Variants in MYCBP2 observed in about 807,000 individuals in gnomAD.
The protein encoded by MYCBP2 is MYC binding protein 2, also known as E3 ubiquitin-protein ligase MYCBP2.
A neutral mutation model predicts 525.3 loss-of-function variants in MYCBP2; 120 were observed. The ratio of observed to expected loss-of-function variants is 0.23; its 90% CI spans 0.20 to 0.27. The LOEUF is 0.27. Among genes scored for constraint, MYCBP2 ranks in the 10% least tolerant of loss-of-function variants. The pLI, the probability that MYCBP2 is intolerant of heterozygous loss-of-function variation, is 1.00. For missense variants in MYCBP2, 4,149 were observed against 5,657.1 expected (o/e 0.73, Z 8.55); for synonymous variants, 1,894 against 1,955.8 (o/e 0.97, Z 0.83).
At chr13:77,106,729 T>C (rs991614716) in intron 55 of MYCBP2, among the ~76,000 whole-genome samples, 13 of 152,094 alleles carry the variant, frequency 8.5e-5, no homozygotes, top group African/African-American at 3.1e-4. Flanking sequence ...GTTCCTTTTT[T>C]TTCTTTCCAA....
intron 7 of MYCBP2, among the ~76,000 whole-genome samples, chr13:77,268,290 G>A (rs191674848): frequency 8.9e-4 from 135 of 152,256 alleles, no homozygotes; most frequent in African/African-American, 3.2e-3. Context: ...TATTGAGTTT[G>A]CTATTTGAAA....
In MYCBP2 at chr13:77,326,766, A is replaced by C; in HGVS notation, c.10T>G (p.Cys4Gly). 3 of 1,415,402 alleles carry C rather than the reference A, an allele frequency of 2.1e-6. No individual in the cohort carries two copies. The highest frequency in any genetic ancestry group is 2.7e-6 in the Non-Finnish European group (3 of 1,099,012). The allele number at this position is 1,415,402 out of a possible 1,614,324, so 87.7% of individuals were successfully genotyped here. The change falls in exon 1 of 83, where the codon TGC becomes GGC. Residue 4 changes from cysteine (C) to glycine (G), a missense_variant. By Grantham distance (159) the Cys-to-Gly change is radical (BLOSUM62 -3). Coordinates refer to ENST00000544440, the MANE Select transcript of MYCBP2 (RefSeq NM_015057.5). This position sits in a 1 kb window ranked among gnomAD's most constrained non-coding sequence, Gnocchi z 4.2. ...GCGGCGGGGGAGGCAGTCGCTGCGCACATCATCATCCTCGCCGCCGCCGCC... is the reference window on the plus strand; with the variant it reads ...GCGGCGGGGGAGGCAGTCGCTGCGCCCATCATCATCCTCGCCGCCGCCGCC... Reference protein sequence around the residue: MMMCAATASPAAAS... With the variant: MMMGAATASPAAAS...
At chr13:77,281,703 A>G (rs1360856205) in intron 3 of MYCBP2, among the ~76,000 whole-genome samples, 2 of 152,146 alleles carry the variant, frequency 1.3e-5, no homozygotes. Context: ...GCCAAAGAAA[A>G]ATGATATATA....
chr13:77,103,081 A>G (rs1225031921), intron 55 of MYCBP2: 4 of 390,386 alleles, frequency 1.0e-5, no homozygotes, highest in Non-Finnish European at 4.5e-6. Context: ...TATAAATGTA[A>G]ATAAAATGAT....
rs2154078474 is a variant in MYCBP2, at chr13:77,066,047, G to A, written c.12497C>T (p.Ser4166Leu). 1 of 1,613,572 alleles carries A rather than the reference G, an allele frequency of 6.2e-7. No individual in the cohort carries two copies. The highest frequency in any genetic ancestry group is 2.2e-5 in the East Asian group (1 of 44,860). Residue 4166 changes from serine (S) to leucine (L), a missense_variant, in exon 72 of 83, where the codon TCA becomes TTA. This residue lies in a region of MYCBP2 where 148 missense variants were observed against 179.4 expected (regional missense o/e 0.82). Coordinates refer to ENST00000544440, the MANE Select transcript of MYCBP2 (RefSeq NM_015057.5). The part of the protein sequence containing the change: ...RGESHWWMKG[S>L]TPTQISEIII... ...GATCTCTGAGATCTGGGTAGGGGTT[G>A]AGCCCTTCATCCACCAATGACTTTC...
At chr13:77,281,965 T>C (rs1198296951) in intron 3 of MYCBP2, among the ~76,000 whole-genome samples, 1 of 152,200 alleles carries the variant, frequency 6.6e-6, no homozygotes, top group Non-Finnish European at 1.5e-5. Context: ...GAGTGAAGTA[T>C]ACTGTCTTTT....
chr13:77,055,760 A>G lies in MYCBP2; in HGVS notation c.13445T>C (p.Ile4482Thr). 6.2e-7 allele frequency: 1 copy of G among 1,609,448 alleles called. No individual in the cohort carries two copies. The highest frequency in any genetic ancestry group is 8.5e-7 in the Non-Finnish European group (1 of 1,177,450). Reference protein sequence around the residue: ...FISCPICKNKINHIVLKDLLD... With the variant: ...FISCPICKNKTNHIVLKDLLD... The stretch of plus-strand genomic sequence containing the variant: ...TAGGTCTTTTAGTACTATGTGATTA[A>G]TTTTGTTCTGCAATAAAAAATGAAC... The change falls in exon 80 of 83, where the codon ATT becomes ACT. Residue 4482 changes from isoleucine to threonine, a missense_variant. Physicochemically the swap from Ile to Thr is moderately conservative, Grantham distance 89. Around this residue, in one of 21 missense-constraint regions of MYCBP2, gnomAD observed 220 missense variants for 396.0 expected, o/e 0.56. Coordinates refer to ENST00000544440, the MANE Select transcript of MYCBP2 (RefSeq NM_015057.5).
intron 55 of MYCBP2, among the ~76,000 whole-genome samples, chr13:77,104,404 C>T (rs1452059535): frequency 6.6e-6 from 1 of 151,982 alleles, no homozygotes; most frequent in African/African-American, 2.4e-5. Flanking sequence ...CCTATTCTCA[C>T]AGAGTTTATA....
chr13:77,202,268 C>A (rs550806014), intron 26 of MYCBP2, among the ~76,000 whole-genome samples: 2 of 152,174 alleles, frequency 1.3e-5, no homozygotes, highest in African/African-American at 4.8e-5. Context: ...AAATCCTCTA[C>A]GCAAATAAAC....
intron 1 of MYCBP2, among the ~76,000 whole-genome samples, chr13:77,298,816 A>C (rs954458195): frequency 6.6e-6 from 1 of 152,190 alleles, no homozygotes; most frequent in Non-Finnish European, 1.5e-5. Flanking sequence ...AAAGATTAAC[A>C]GTGCCAAATG....
chr13:77,175,376 T>G (rs1840190984), intron 36 of MYCBP2, among the ~76,000 whole-genome samples: 1 of 151,900 alleles, frequency 6.6e-6, no homozygotes, highest in African/African-American at 2.4e-5. Context: ...CAAACAGACA[T>G]GAGAAAAAAA....
chr13:77,157,501 G>A (rs1454857355), intron 45 of MYCBP2, among the ~76,000 whole-genome samples: 1 of 152,170 alleles, frequency 6.6e-6, no homozygotes, highest in African/African-American at 2.4e-5. Flanking sequence ...TGGGATTACA[G>A]GCATGAGCCA....
chr13:77,189,809 T>G (rs950802464), intron 29 of MYCBP2, among the ~76,000 whole-genome samples: 1 of 152,118 alleles, frequency 6.6e-6, no homozygotes, highest in Non-Finnish European at 1.5e-5. Flanking sequence ...AAGGTGAAAA[T>G]TTACCAACAG....
chr13:77,175,173 C>T (rs1263888652), intron 36 of MYCBP2, among the ~76,000 whole-genome samples: 2 of 150,628 alleles, frequency 1.3e-5, no homozygotes, highest in Non-Finnish European at 2.9e-5. Flanking sequence ...CTCAAGTGAT[C>T]CTCCCTCCCT....
intron 55 of MYCBP2, among the ~76,000 whole-genome samples, chr13:77,114,349 A>T (rs1334886789): frequency 6.6e-6 from 1 of 152,136 alleles, no homozygotes; most frequent in Non-Finnish European, 1.5e-5. Flanking sequence ...GGCAATAATA[A>T]CATCAAAAGA....
chr13:77,050,442 A>T (rs913884502), intron 82 of MYCBP2, among the ~76,000 whole-genome samples: 4 of 152,058 alleles, frequency 2.6e-5, no homozygotes, highest in African/African-American at 4.8e-5. Context: ...CGTTGCCACT[A>T]GCCTCCTGTC....
intron 47 of MYCBP2, among the ~76,000 whole-genome samples, chr13:77,148,231 C>A (rs955802057): frequency 1.3e-5 from 2 of 151,634 alleles, no homozygotes; most frequent in African/African-American, 4.8e-5. Context: ...ATATAGAATT[C>A]ATAATGAGAT....
At chr13:77,200,323 G>A (rs12560645) in intron 26 of MYCBP2, among the ~76,000 whole-genome samples, 66,971 of 151,978 alleles carry the variant, frequency 0.44, 18,472 homozygotes, top group Non-Finnish European at 0.62. Context: ...GAAGTGAAGC[G>A]AGAAGGGAAG....
Position 77,217,969 on chromosome 13 carries a change from A to C in MYCBP2, c.2940-12T>G. ...GAGTGGGACATCCCCTAGGTTAAAAAAAAAAAAAGTAAGTCAATTTCTTAC... is the reference window on the plus strand; with the variant it reads ...GAGTGGGACATCCCCTAGGTTAAAACAAAAAAAAGTAAGTCAATTTCTTAC... On this transcript the variant is annotated splice_polypyrimidine_tract_variant and intron_variant, in intron 20 of 82. Coordinates refer to ENST00000544440, the MANE Select transcript of MYCBP2 (RefSeq NM_015057.5). 1 of 1,542,654 alleles carries C rather than the reference A, an allele frequency of 6.5e-7. No individual in the cohort carries two copies. Among genetic ancestry groups the C allele is most frequent in the Non-Finnish European group, 8.8e-7 (1 of 1,141,354 alleles).
Sources: gnomAD v4.1 joint callset for allele counts (sites outside exome capture counted in the v4.1 genomes callset) on GRCh38, gnomAD v4.1.1 for gene constraint, gnomAD v4.1.1 regional missense constraint, Gnocchi (gnomAD v3.1) non-coding constraint, MANE v1.5 for transcripts, NCBI Gene and HGNC (gene_info 2026-07-23, HGNC 2026-07-21) for gene names.